The following KLRG1 variants were observed in gnomAD, a reference collection of about 807,000 sequenced individuals.
KLRG1 encodes the protein killer cell lectin-like receptor subfamily G member 1.
In KLRG1, 16 loss-of-function variants were observed where a neutral mutation model predicts 21.8. That is an observed-to-expected ratio of 0.73 (90% CI 0.50 to 1.11). The LOEUF (loss-of-function observed/expected upper bound fraction) is 1.11. Ranked by LOEUF, KLRG1 falls within the 50% of genes most tolerant of loss-of-function variation. KLRG1 has a pLI of 0.00. For missense variants in KLRG1, 173 were observed against 218.3 expected, an observed-to-expected ratio of 0.79 and a Z score of 1.31; for synonymous variants, 69 against 75.9, an observed-to-expected ratio of 0.91 and a Z score of 0.47.
At chr12:9,069,456 T>G in the KLRG1 span, among the ~76,000 whole-genome samples, 179 of 152,306 alleles carry the variant, frequency 1.2e-3, no homozygotes, top group African/African-American at 3.4e-3. Flanking sequence ...TTCCTTATAT[T>G]ACTGGGTATC....
At chr12:9,165,093 A>G in the KLRG1 span, 1 of 1,575,974 alleles carries the variant, frequency 6.3e-7, no homozygotes, top group Non-Finnish European at 8.7e-7. Context: ...GATCAAAGGA[A>G]TCTTTTGTTC....
chr12:9,204,942 A>T, the KLRG1 span, among the ~76,000 whole-genome samples: 1 of 152,144 alleles, frequency 6.6e-6, no homozygotes, highest in East Asian at 1.9e-4. Context: ...ACAAAAATTA[A>T]AATAAAAAAT....
the KLRG1 span, among the ~76,000 whole-genome samples, chr12:9,038,015 T>C: frequency 6.6e-6 from 1 of 152,170 alleles, no homozygotes; most frequent in Non-Finnish European, 1.5e-5. Flanking sequence ...TCCCAGTGCT[T>C]TGGGAGGCCA....
the KLRG1 span, among the ~76,000 whole-genome samples, chr12:9,136,310 T>C: frequency 5.3e-5 from 8 of 152,232 alleles, no homozygotes; most frequent in Non-Finnish European, 1.0e-4. Context: ...TTTGTAACTT[T>C]CCTGGGTAAA....
chr12:9,203,942 C>T, the KLRG1 span: 1 of 1,610,104 alleles, frequency 6.2e-7, no homozygotes, highest in Non-Finnish European at 8.5e-7. Context: ...GGACCAGCAC[C>T]ATATACTGCC....
At chr12:9,179,448 C>G in the KLRG1 span, among the ~76,000 whole-genome samples, 1 of 152,108 alleles carries the variant, frequency 6.6e-6, no homozygotes, top group African/African-American at 2.4e-5. Context: ...GTGTCACCCC[C>G]ATGAATTAAT....
the KLRG1 span, among the ~76,000 whole-genome samples, chr12:9,040,529 T>G: frequency 1.3e-5 from 2 of 152,232 alleles, no homozygotes; most frequent in African/African-American, 2.4e-5. Flanking sequence ...TCAGCTAGCT[T>G]TTCTGTCCAG....
chr12:9,210,223 C>T, the KLRG1 span, among the ~76,000 whole-genome samples: 2 of 152,168 alleles, frequency 1.3e-5, no homozygotes, highest in African/African-American at 2.4e-5. Context: ...TCGTTTTACT[C>T]TGCTAGGCAT....
the KLRG1 span, among the ~76,000 whole-genome samples, chr12:9,054,083 C>G: frequency 9.6e-4 from 146 of 152,336 alleles, 1 homozygote; most frequent in Non-Finnish European, 2.9e-4. Flanking sequence ...TTCTCTGCTA[C>G]AAACCCTGCT....
At chr12:9,077,810 A>T in the KLRG1 span, 4 of 1,614,076 alleles carry the variant, frequency 2.5e-6, no homozygotes, top group Non-Finnish European at 2.5e-6. Flanking sequence ...ATCGATGAAG[A>T]TGTAGGCTCG....
the KLRG1 span, among the ~76,000 whole-genome samples, chr12:9,030,232 G>A: frequency 0.082 from 12,468 of 152,170 alleles, 812 homozygotes; most frequent in African/African-American, 0.18. Flanking sequence ...GGTAGTGGAT[G>A]GGGTGGGCAG....
chr12:9,171,197 C>A, the KLRG1 span, among the ~76,000 whole-genome samples: 5 of 152,266 alleles, frequency 3.3e-5, no homozygotes, highest in South Asian at 4.1e-4. Context: ...GATACTTCCA[C>A]GTACGGGAGA....
the KLRG1 span, among the ~76,000 whole-genome samples, chr12:9,122,745 A>G: frequency 2.6e-5 from 4 of 152,182 alleles, no homozygotes; most frequent in Admixed American, 2.6e-4. Context: ...TATTATTGAA[A>G]GTTCTCAAGT....
chr12:9,110,120 C>T, the KLRG1 span: 3 of 1,459,896 alleles, frequency 2.1e-6, no homozygotes, highest in Non-Finnish European at 2.8e-6. Context: ...CCTAAGTTAT[C>T]TACAAAAAGG....
the KLRG1 span, chr12:9,066,372 G>A: frequency 2.6e-5 from 4 of 152,414 alleles, no homozygotes; most frequent in African/African-American, 9.6e-5. Flanking sequence ...GATGCGCCTG[G>A]TCCAGGGGGA....
chr12:9,171,252 G>C, the KLRG1 span, among the ~76,000 whole-genome samples: 1 of 152,250 alleles, frequency 6.6e-6, no homozygotes, highest in East Asian at 1.9e-4. Flanking sequence ...GCAAACCTCA[G>C]CAGCCCTATG....
the KLRG1 span, among the ~76,000 whole-genome samples, chr12:9,155,480 TTTG>T: frequency 6.8e-6 from 1 of 147,498 alleles, no homozygotes; most frequent in African/African-American, 2.5e-5. Flanking sequence ...TGTTTTGTTT[TTTG>T]TTGTTGTTAT....
chr12:9,043,403 G>A, the KLRG1 span, among the ~76,000 whole-genome samples: 16 of 152,214 alleles, frequency 1.1e-4, no homozygotes, highest in East Asian at 2.9e-3. Context: ...AAGTTCAAAT[G>A]TCTTCGGGTT....
At chr12:9,189,993 C>T in the KLRG1 span, among the ~76,000 whole-genome samples, 1 of 151,896 alleles carries the variant, frequency 6.6e-6, no homozygotes, top group African/African-American at 2.4e-5. Flanking sequence ...CAAAAAATAA[C>T]AGATGTTGGC....
Sources: gnomAD v4.1 joint callset for allele counts (sites outside exome capture counted in the v4.1 genomes callset) on GRCh38, gnomAD v4.1.1 for gene constraint, MANE v1.5 for transcripts, NCBI Gene and HGNC (gene_info 2026-07-23, HGNC 2026-07-21) for gene names.